Variants in SUSD5 observed in about 807,000 individuals in gnomAD.
SUSD5 encodes the protein sushi domain-containing protein 5.
In SUSD5, 33 loss-of-function variants were observed where a neutral mutation model predicts 29.5. The observed-to-expected ratio is 1.12, with a 90% CI of 0.85 to 1.49. The LOEUF (loss-of-function observed/expected upper bound fraction) is 1.49. SUSD5 is among the 40% of genes most tolerant of loss of function. SUSD5 has a pLI of 0.00. For missense variants in SUSD5, 776 were observed against 800.6 expected (o/e 0.97, Z 0.37); for synonymous variants, 308 against 325.3 (o/e 0.95, Z 0.57).
intron 1 of SUSD5, among the ~76,000 whole-genome samples, chr3:33,216,986 C>T (rs776610140): frequency 1.2e-4 from 19 of 152,160 alleles, no homozygotes; most frequent in Non-Finnish European, 2.4e-4. Flanking sequence ...TCATTTCTGG[C>T]AAGCAGTAAC....
Position 33,170,315 on chromosome 3 carries a change from G to A in SUSD5, c.598+4571C>T, listed in dbSNP as rs571985147. Among the ~76,000 whole-genome samples, 140 of 152,272 alleles carry A rather than the reference G, an allele frequency of 9.2e-4. 1 individual carries two copies. The highest frequency in any genetic ancestry group is 3.1e-3 in the African/African-American group (130 of 41,556). ...GACAGACATTTCCTGCTACCAAACT[G>A]GGAATGGAAACCAAGAACATGTGTG... On this transcript the variant is annotated intron_variant, in intron 4 of 4. Transcript: ENST00000309558.
intron 4 of SUSD5, among the ~76,000 whole-genome samples, chr3:33,169,594 C>T (rs1053997707): frequency 5.9e-5 from 9 of 152,218 alleles, no homozygotes; most frequent in Admixed American, 4.6e-4. Context: ...AAAGCAGGCC[C>T]AAAAAACAAC....
chr3:33,187,555 T>A (rs747470382), intron 3 of SUSD5, among the ~76,000 whole-genome samples: 4 of 152,168 alleles, frequency 2.6e-5, no homozygotes, highest in Non-Finnish European at 5.9e-5. Flanking sequence ...TCTTCTCATC[T>A]TGAACCTCAC....
rs1380500888 is a variant in SUSD5 at position 33,204,215 on chromosome 3, C to T, written c.409+3593G>A. 6.6e-6 allele frequency among the ~76,000 whole-genome samples: 1 copy of T among 152,016 alleles called. No homozygotes were observed. Among genetic ancestry groups the T allele is most frequent in the African/African-American group, 2.4e-5 (1 of 41,376 alleles). On this transcript the variant is annotated intron_variant, in intron 3 of 4. Transcript: ENST00000309558. This position sits in a 1 kb window ranked among gnomAD's most constrained non-coding sequence, Gnocchi z 4.5. ...TACATATGTATATATATGTATCTTGCTATGTTGCCCAGGCTGGTCTCAAAC... is the reference window on the plus strand; with the variant it reads ...TACATATGTATATATATGTATCTTGTTATGTTGCCCAGGCTGGTCTCAAAC...
intron 3 of SUSD5, among the ~76,000 whole-genome samples, chr3:33,202,623 A>T (rs1379700610): frequency 6.6e-6 from 1 of 152,168 alleles, no homozygotes; most frequent in Non-Finnish European, 1.5e-5. Context: ...AGGAAAATCA[A>T]AGCCTCCAGA....
rs559497180 is a variant in SUSD5, at chr3:33,198,355, C to T, written c.409+9453G>A. 4.6e-5 allele frequency among the ~76,000 whole-genome samples: 7 copies of T among 152,266 alleles called. No homozygotes were observed. The South Asian group carries it at 1.5e-3, about 32-fold the overall frequency. On this transcript the variant is annotated intron_variant, in intron 3 of 4. Transcript: ENST00000309558. ...AACCCAGGGATTCTGGGTACAGAGC[C>T]CATGGTTCTAATCATTGTGCATTAT...
In SUSD5 at chr3:33,188,694, T is replaced by C. The variant is rs1021420314; in HGVS notation, c.410-13620A>G. On this transcript the variant is annotated intron_variant, in intron 3 of 4. Transcript: ENST00000309558. ...CTATATGTGGTGATAAGAATTGGAA[T>C]AGAGATGGGCCTCTGGCTCTGCTGG... Among the ~76,000 whole-genome samples the C allele has an allele frequency of 2.6e-5, 4 of 152,158 alleles. No individual in the cohort carries two copies. The South Asian group carries it at 8.3e-4, about 32-fold the overall frequency.
At position 33,152,750 on chromosome 3, in the gene SUSD5, T is replaced by C; in HGVS notation, c.1882A>G (p.Lys628Glu). 6.2e-7 allele frequency: 1 copy of C among 1,608,210 alleles called. No homozygotes were observed. The highest frequency in any genetic ancestry group is 1.1e-5 in the South Asian group (1 of 90,192). ...ACCCACTCCAAAGGTGCCTAGACCT[T>C]CTCCATCTCGATCTGCTGGTGGTAG... is the stretch of plus-strand genomic sequence containing the variant. Reference protein sequence around the residue: ...RHYHQQIEMEKV With the variant: ...RHYHQQIEMEEV The change falls in exon 5 of 5, where the codon AAG becomes GAG. Residue 628 changes from lysine (K) to glutamate (E), a missense_variant. Transcript: ENST00000309558.
intron 4 of SUSD5, among the ~76,000 whole-genome samples, chr3:33,155,402 C>T (rs984449528): frequency 2.0e-5 from 3 of 152,098 alleles, no homozygotes; most frequent in African/African-American, 7.2e-5. Flanking sequence ...ACCAGAATGG[C>T]TAAAATTAAA....
chr3:33,174,831 C>A, intron 4 of SUSD5, 55 bp downstream of exon 4: 1 of 1,590,576 alleles, frequency 6.3e-7, no homozygotes, highest in Non-Finnish European at 8.6e-7. Context: ...AGCAGTGGAG[C>A]CCTCAGCCAG....
intron 3 of SUSD5, among the ~76,000 whole-genome samples, chr3:33,197,477 T>C (rs1252558728): frequency 6.6e-6 from 1 of 152,212 alleles, no homozygotes; most frequent in Non-Finnish European, 1.5e-5. Context: ...GTATTATTTA[T>C]ATAAATAAAA....
Position 33,152,915 on chromosome 3 carries a change from C to T in SUSD5, c.1717G>A (p.Gly573Ser). 2 of 1,614,028 alleles carry T rather than the reference C, an allele frequency of 1.2e-6. No homozygotes were observed. Among genetic ancestry groups the T allele is most frequent in the Non-Finnish European group, 1.7e-6 (2 of 1,179,892 alleles). The change falls in exon 5 of 5, where the codon GGC becomes AGC. Residue 573 changes from glycine (G) to serine (S), a missense_variant. Coordinates refer to ENST00000309558, the MANE Select transcript of SUSD5 (RefSeq NM_015551.2). ...GTGACAATGGTGGCGATCACAGGGC[C>T]TCTGCTGAGGCCAGGACATCCGTCC... ...VGDGCPGLSR[G>S]PVIATIVTVL...
In SUSD5 at chr3:33,204,953, T is replaced by A. The variant is rs1195388719; in HGVS notation, c.409+2855A>T. ...CTTTTTGCTTTATCATTCTCTTCTC[T>A]CTCTTCCTCTCTCCACACCTCTTCC... On this transcript the variant is annotated intron_variant, in intron 3 of 4. Transcript: ENST00000309558. This position sits in a 1 kb window ranked among gnomAD's most constrained non-coding sequence, Gnocchi z 4.5. 3.9e-5 allele frequency among the ~76,000 whole-genome samples: 6 copies of A among 152,072 alleles called. No homozygotes were observed. In the South Asian group the frequency reaches 1.2e-3, roughly 32 times the overall value.
intron 3 of SUSD5, among the ~76,000 whole-genome samples, chr3:33,181,989 A>C (rs1398551385): frequency 6.6e-6 from 1 of 152,148 alleles, no homozygotes; most frequent in African/African-American, 2.4e-5. Context: ...TTTATATTTA[A>C]CTTGCTCTTC....
intron 3 of SUSD5, among the ~76,000 whole-genome samples, chr3:33,196,375 G>A (rs1377113079): frequency 6.6e-6 from 1 of 152,202 alleles, no homozygotes; most frequent in Non-Finnish European, 1.5e-5. Flanking sequence ...GAGGATTACT[G>A]ATGGATTCTT....
chr3:33,177,567 G>A (rs549715090), intron 3 of SUSD5, among the ~76,000 whole-genome samples: 1 of 152,150 alleles, frequency 6.6e-6, no homozygotes, highest in South Asian at 2.1e-4. Context: ...GGAGTGCAGT[G>A]GTGGGATCAT....
intron 4 of SUSD5, among the ~76,000 whole-genome samples, chr3:33,164,476 T>C (rs2031262771): frequency 6.6e-6 from 1 of 152,202 alleles, no homozygotes; most frequent in Non-Finnish European, 1.5e-5. Flanking sequence ...GTTAAGATGG[T>C]AAATTTTATG....
At chr3:33,169,210 G>A (rs1434225422) in intron 4 of SUSD5, among the ~76,000 whole-genome samples, 4 of 152,106 alleles carry the variant, frequency 2.6e-5, no homozygotes, top group African/African-American at 9.7e-5. Flanking sequence ...ACCTGTGACA[G>A]TTCAGATAAA....
intron 3 of SUSD5, among the ~76,000 whole-genome samples, chr3:33,183,156 T>C (rs1158581642): frequency 1.3e-5 from 2 of 152,172 alleles, no homozygotes; most frequent in African/African-American, 2.4e-5. Flanking sequence ...AGACAACATA[T>C]AGTTAGGTCT....
Sources: gnomAD v4.1 joint callset for allele counts (sites outside exome capture counted in the v4.1 genomes callset) on GRCh38, gnomAD v4.1.1 for gene constraint, Gnocchi (gnomAD v3.1) non-coding constraint, MANE v1.5 for transcripts, NCBI Gene and HGNC (gene_info 2026-07-23, HGNC 2026-07-21) for gene names.